The following CLSTN2 variants were observed in gnomAD, a reference collection of about 807,000 sequenced individuals.
CLSTN2 encodes the protein calsyntenin-2.
CLSTN2 carries 48 observed loss-of-function variants against 101.2 expected under a neutral mutation model. That is an observed-to-expected ratio of 0.47 (90% CI 0.38 to 0.60). The LOEUF is 0.60. CLSTN2 is among the 20% of genes least tolerant of loss of function. The pLI is 0.00. For synonymous variants in CLSTN2, 481 were observed against 463.6 expected, an observed-to-expected ratio of 1.04 and a Z score of -0.48; for missense variants, 1,160 against 1,238.2, an observed-to-expected ratio of 0.94 and a Z score of 0.95.
rs867623752 is a variant in CLSTN2 at position 140,044,523 on chromosome 3, C to G, written c.109+109040C>G. Among the ~76,000 whole-genome samples, 65 of 152,276 alleles carry G rather than the reference C, an allele frequency of 4.3e-4. 3 individuals are homozygous for G. The Middle Eastern group carries it at 0.01, about 24-fold the overall frequency. ...TTTCCTAATTGAATACCCTTTATTTCTTTCTCCTGCCTGATTGCCCTGGCC... is the reference window on the plus strand; with the variant it reads ...TTTCCTAATTGAATACCCTTTATTTGTTTCTCCTGCCTGATTGCCCTGGCC... On this transcript the variant is annotated intron_variant, in intron 1 of 16. Transcript: ENST00000458420.
At chr3:140,251,087 C>T (rs998474493) in intron 2 of CLSTN2, among the ~76,000 whole-genome samples, 4 of 152,134 alleles carry the variant, frequency 2.6e-5, no homozygotes, top group Non-Finnish European at 5.9e-5. Flanking sequence ...TGAGTAGTTG[C>T]CTCTGTGAAT....
chr3:140,566,513 C>T lies in CLSTN2; in HGVS notation c.*260C>T. The T allele has an allele frequency of 3.9e-6, 2 of 511,594 alleles. No homozygotes were observed. Among genetic ancestry groups the T allele is most frequent in the Non-Finnish European group, 7.0e-6 (2 of 283,958 alleles). 31.7% of individuals were successfully genotyped at this position (511,594 alleles called of 1,614,324 possible). ...AGCCTCCACTTCTGCCCTAAGTTCC[C>T]CAGCATCCTGACTACCTGTCTGCAG... On this transcript the variant is annotated 3_prime_UTR_variant, in exon 17 of 17. Transcript: ENST00000458420.
chr3:140,003,627 G>GT (rs533230016), intron 1 of CLSTN2, among the ~76,000 whole-genome samples: 13 of 151,090 alleles, frequency 8.6e-5, no homozygotes, highest in South Asian at 4.2e-4. Context: ...AGGAAAGGCT[G>GT]TTTTTTTTTC....
chr3:140,464,720 A>T (rs1933645097), intron 7 of CLSTN2, among the ~76,000 whole-genome samples: 1 of 152,194 alleles, frequency 6.6e-6, no homozygotes, highest in South Asian at 2.1e-4. Context: ...ATTTCCTAAG[A>T]GTTATCAACA....
intron 2 of CLSTN2, among the ~76,000 whole-genome samples, chr3:140,222,743 G>A (rs992494099): frequency 1.3e-5 from 2 of 151,890 alleles, no homozygotes; most frequent in African/African-American, 4.8e-5. Context: ...TGGATTGTTT[G>A]TAACACAAAG....
At chr3:140,428,100 A>G (rs1454837510) in intron 5 of CLSTN2, among the ~76,000 whole-genome samples, 1 of 152,176 alleles carries the variant, frequency 6.6e-6, no homozygotes, top group Non-Finnish European at 1.5e-5. Context: ...CCCTCCTTAC[A>G]GGGGCACTGA....
At chr3:140,187,049 G>C (rs1396183426) in intron 2 of CLSTN2, among the ~76,000 whole-genome samples, 1 of 152,330 alleles carries the variant, frequency 6.6e-6, no homozygotes. Context: ...CAAATCCACT[G>C]CATGGCCCTT....
chr3:139,936,999 CTG>C (rs1453091146), intron 1 of CLSTN2, among the ~76,000 whole-genome samples: 1 of 147,472 alleles, frequency 6.8e-6, no homozygotes, highest in African/African-American at 2.5e-5. Flanking sequence ...AGCTGAGAGA[CTG>C]TTGTTTTGGT....
chr3:140,369,628 G>T (rs544804510), intron 2 of CLSTN2, among the ~76,000 whole-genome samples: 2 of 152,020 alleles, frequency 1.3e-5, no homozygotes, highest in African/African-American at 4.8e-5. Context: ...CTGCTTGGCC[G>T]CATGAGTTGG....
At chr3:139,940,927 G>C (rs1387472374) in intron 1 of CLSTN2, among the ~76,000 whole-genome samples, 1 of 152,054 alleles carries the variant, frequency 6.6e-6, no homozygotes, top group Non-Finnish European at 1.5e-5. Flanking sequence ...TCTCTGGAGG[G>C]AGAGCTTATG....
At chr3:140,278,436 T>C (rs1242616470) in intron 2 of CLSTN2, among the ~76,000 whole-genome samples, 2 of 152,152 alleles carry the variant, frequency 1.3e-5, no homozygotes, top group African/African-American at 2.4e-5. Context: ...TCTCTCCTTT[T>C]CCCAGGCTCA....
chr3:140,485,370 G>T (rs1380636470), intron 8 of CLSTN2, among the ~76,000 whole-genome samples: 1 of 152,212 alleles, frequency 6.6e-6, no homozygotes, highest in Non-Finnish European at 1.5e-5. Flanking sequence ...GCCCCTACTA[G>T]GGGGTGCCTC....
At chr3:140,514,172 C>T (rs1318055758) in intron 8 of CLSTN2, among the ~76,000 whole-genome samples, 2 of 151,854 alleles carry the variant, frequency 1.3e-5, no homozygotes, top group African/African-American at 4.8e-5. Context: ...TTTTGGAGAA[C>T]AGGTGGCGTT....
At chr3:140,213,107 T>C (rs911421496) in intron 2 of CLSTN2, among the ~76,000 whole-genome samples, 5 of 152,226 alleles carry the variant, frequency 3.3e-5, no homozygotes, top group African/African-American at 9.6e-5. Context: ...AAGTAATATA[T>C]GAACATGTTC....
In CLSTN2 at chr3:139,935,828, C is replaced by G. The variant is rs1055634190; in HGVS notation, c.109+345C>G. Among the ~76,000 whole-genome samples the G allele has an allele frequency of 6.6e-6, 1 of 152,006 alleles. No homozygotes were observed. The highest frequency in any genetic ancestry group is 1.5e-5 in the Non-Finnish European group (1 of 67,986). ...ACGGCTAGAGCAGGGCGCTGGCGCG[C>G]CGTGGGGACAAGCAGGTGTCTGCTC... On this transcript the variant is annotated intron_variant, in intron 1 of 16. Coordinates refer to ENST00000458420, the MANE Select transcript of CLSTN2 (RefSeq NM_022131.3). The surrounding 1 kb of genome is among the most constrained non-coding windows in gnomAD (Gnocchi z 5.5).
intron 2 of CLSTN2, among the ~76,000 whole-genome samples, chr3:140,318,866 A>T (rs926633789): frequency 6.6e-6 from 1 of 152,208 alleles, no homozygotes; most frequent in African/African-American, 2.4e-5. Context: ...AATAATTATT[A>T]TAAGTAATCC....
At chr3:139,993,663 T>C (rs1363058229) in intron 1 of CLSTN2, among the ~76,000 whole-genome samples, 2 of 152,200 alleles carry the variant, frequency 1.3e-5, no homozygotes, top group Non-Finnish European at 2.9e-5. Context: ...TGGATGTTGT[T>C]CTGATGACTT....
chr3:140,353,415 G>A (rs1223643799), intron 2 of CLSTN2, among the ~76,000 whole-genome samples: 1 of 152,092 alleles, frequency 6.6e-6, no homozygotes, highest in African/African-American at 2.4e-5. Flanking sequence ...GGAGAAAGAC[G>A]TATACTGGGA....
intron 4 of CLSTN2, among the ~76,000 whole-genome samples, chr3:140,409,106 C>T (rs1330137482): frequency 6.6e-6 from 1 of 152,274 alleles, no homozygotes; most frequent in Non-Finnish European, 1.5e-5. Context: ...CCCACCACCA[C>T]ATGAGTGCAT....
Sources: gnomAD v4.1 joint callset for allele counts (sites outside exome capture counted in the v4.1 genomes callset) on GRCh38, gnomAD v4.1.1 for gene constraint, Gnocchi (gnomAD v3.1) non-coding constraint, MANE v1.5 for transcripts, NCBI Gene and HGNC (gene_info 2026-07-23, HGNC 2026-07-21) for gene names.